The following ABLIM1 variants were observed in gnomAD, a reference collection of about 807,000 sequenced individuals.
ABLIM1 encodes the protein actin binding LIM protein 1.
Under a neutral mutation model 107.0 loss-of-function variants are expected in ABLIM1, and 40 were observed. That is an observed-to-expected ratio of 0.37 (90% CI 0.29 to 0.49). The LOEUF is 0.49. Ranked by LOEUF, ABLIM1 falls within the 20% of genes least tolerant of loss-of-function variation. ABLIM1 has a pLI of 0.97. For missense variants in ABLIM1, 857 were observed against 1,008.5 expected (o/e 0.85, Z 2.04); for synonymous variants, 357 against 357.3 (o/e 1.00, Z 0.01).
intron 6 of ABLIM1, among the ~76,000 whole-genome samples, chr10:114,511,352 C>A (rs984633047): frequency 1.3e-5 from 2 of 151,600 alleles, no homozygotes; most frequent in Admixed American, 6.6e-5. Context: ...TTTTTTTATA[C>A]CCTTCTCACC....
At chr10:114,681,612 C>T (rs767276754) in intron 1 of ABLIM1, among the ~76,000 whole-genome samples, 15 of 152,210 alleles carry the variant, frequency 9.9e-5, no homozygotes, top group Admixed American at 2.0e-4. Context: ...TAACTCTCTA[C>T]GCCACTTCAA....
At position 114,432,909 on chromosome 10, in the gene ABLIM1, C is replaced by T. The variant is rs113965423; in HGVS notation, c.*3351G>A. 5 of 152,278 alleles carry T rather than the reference C, an allele frequency of 3.3e-5. No individual in the cohort carries two copies. The highest frequency in any genetic ancestry group is 1.2e-4 in the African/African-American group (5 of 41,552). The allele number at this position is 152,278 out of a possible 1,614,324, so 9.4% of individuals were successfully genotyped here. A position where few individuals can be genotyped will look rare whatever the true frequency, so the allele number is the denominator to read the frequency against. On this transcript the variant is annotated 3_prime_UTR_variant, in exon 23 of 23. Transcript: ENST00000533213. The stretch of plus-strand genomic sequence containing the variant: ...GAACATTTCATAACTAACCCCAAAC[C>T]AAAATGTAGATGCATAGCTAGCTGT...
chr10:114,761,376 C>T (rs898212172), intron 1 of ABLIM1, among the ~76,000 whole-genome samples: 2 of 152,110 alleles, frequency 1.3e-5, no homozygotes, highest in Admixed American at 6.6e-5. Context: ...TGCTGCTACT[C>T]GAGGAAGCAG....
intron 11 of ABLIM1, among the ~76,000 whole-genome samples, chr10:114,467,689 C>T (rs1423560563): frequency 1.3e-5 from 2 of 152,118 alleles, no homozygotes; most frequent in Non-Finnish European, 2.9e-5. Flanking sequence ...CTTTGAATTA[C>T]AGAGATTCCC....
intron 6 of ABLIM1, among the ~76,000 whole-genome samples, chr10:114,516,808 T>C (rs541141694): frequency 9.2e-5 from 14 of 152,352 alleles, no homozygotes; most frequent in African/African-American, 2.6e-4. Context: ...TCTCAGGGCT[T>C]ACAAAAGCAC....
At chr10:114,786,349 A>C in the ABLIM1 span, among the ~76,000 whole-genome samples, 1 of 152,234 alleles carries the variant, frequency 6.6e-6, no homozygotes, top group African/African-American at 2.4e-5. Flanking sequence ...AAAATACCTC[A>C]AAATATCCAT....
chr10:114,583,454 CACACACACACACACATATATATAT>C (rs2073761568), intron 2 of ABLIM1, among the ~76,000 whole-genome samples: 4 of 16,076 alleles, frequency 2.5e-4, no homozygotes, highest in African/African-American at 7.4e-4. Flanking sequence ...CACACACACA[CACACACACACACACATATATATAT>C]ATATATATAT....
intron 7 of ABLIM1, among the ~76,000 whole-genome samples, chr10:114,488,683 A>G (rs766435127): frequency 2.0e-5 from 3 of 152,210 alleles, no homozygotes; most frequent in Non-Finnish European, 2.9e-5. Flanking sequence ...CAACAGTCTC[A>G]CTTTCTCATA....
chr10:114,655,916 CA>C (rs936024253), intron 1 of ABLIM1, among the ~76,000 whole-genome samples: 4 of 152,138 alleles, frequency 2.6e-5, no homozygotes, highest in African/African-American at 9.7e-5. Flanking sequence ...CTGTCCCAGC[CA>C]AAGCTCTGTA....
chr10:114,681,491 G>A (rs960906289), intron 1 of ABLIM1, among the ~76,000 whole-genome samples: 2 of 152,164 alleles, frequency 1.3e-5, no homozygotes, highest in African/African-American at 2.4e-5. Context: ...CATCACGCCT[G>A]GCCTAAACCA....
chr10:114,454,507 GCA>G (rs372987971), intron 12 of ABLIM1, among the ~76,000 whole-genome samples: 5 of 152,266 alleles, frequency 3.3e-5, no homozygotes, highest in African/African-American at 9.6e-5. Context: ...GACTGGAGGA[GCA>G]ACAGGACTGG....
intron 1 of ABLIM1, among the ~76,000 whole-genome samples, chr10:114,714,126 A>G (rs566269888): frequency 6.6e-6 from 1 of 152,286 alleles, no homozygotes; most frequent in East Asian, 1.9e-4. Flanking sequence ...TGGCCCTTCT[A>G]TGTTGTTTAG....
chr10:114,608,570 G>A (rs2076585271), intron 1 of ABLIM1, among the ~76,000 whole-genome samples: 1 of 152,178 alleles, frequency 6.6e-6, no homozygotes. Flanking sequence ...TCGGGAGGCT[G>A]AGGCAGGAGA....
In ABLIM1 at chr10:114,433,323, T is replaced by C. The variant is rs41293058; in HGVS notation, c.*2937A>G. ...ATGCTGAGCCCAGTTTAACTAAATGTGCAGGCATTCTAGCCCACACATTCA... is the reference window on the plus strand; with the variant it reads ...ATGCTGAGCCCAGTTTAACTAAATGCGCAGGCATTCTAGCCCACACATTCA... On this transcript the variant is annotated 3_prime_UTR_variant, in exon 23 of 23. Transcript: ENST00000533213. The C allele has an allele frequency of 0.18, 27,385 of 152,222 alleles. 3,875 individuals carry two copies. The highest frequency in any genetic ancestry group is 0.4 in the African/African-American group (16,750 of 41,492). The allele number at this position is 152,222 out of a possible 1,614,324, so 9.4% of individuals were successfully genotyped here.
chr10:114,762,166 G>C (rs1461482953), intron 1 of ABLIM1, among the ~76,000 whole-genome samples: 1 of 152,052 alleles, frequency 6.6e-6, no homozygotes, highest in Non-Finnish European at 1.5e-5. Context: ...CCACATAGCT[G>C]AGACTACAGG....
At chr10:114,685,375 A>G (rs1210132729), upstream of ABLIM1, among the ~76,000 whole-genome samples, 1 of 152,200 alleles carries the variant, frequency 6.6e-6, no homozygotes, top group Non-Finnish European at 1.5e-5. Flanking sequence ...CCGTTGTGAG[A>G]TATTAATTTA....
intron 12 of ABLIM1, among the ~76,000 whole-genome samples, chr10:114,461,610 G>C (rs1315705406): frequency 3.9e-5 from 6 of 152,100 alleles, no homozygotes; most frequent in African/African-American, 1.4e-4. Context: ...CTTGAAGCCA[G>C]GAGTTTGAGA....
At chr10:114,539,474 G>A (rs1565872888) in intron 6 of ABLIM1, among the ~76,000 whole-genome samples, 1 of 152,210 alleles carries the variant, frequency 6.6e-6, no homozygotes, top group Non-Finnish European at 1.5e-5. Context: ...TTTTAGCTAT[G>A]TGCCTAGAGA....
chr10:114,613,394 T>C (rs1398732932), intron 1 of ABLIM1, among the ~76,000 whole-genome samples: 5 of 152,184 alleles, frequency 3.3e-5, no homozygotes, highest in African/African-American at 1.2e-4. Flanking sequence ...CCTTGGTAGC[T>C]TGAAATTGGC....
Sources: allele counts gnomAD v4.1 joint callset (sites outside exome capture counted in the v4.1 genomes callset), GRCh38; gene constraint gnomAD v4.1.1; transcripts MANE v1.5; gene names NCBI Gene and HGNC (gene_info 2026-07-23, HGNC 2026-07-21).